The following NRDE2 variants were observed in gnomAD, a reference collection of about 807,000 sequenced individuals.
NRDE2 encodes the protein NRDE-2, necessary for RNA interference, domain containing, also known as nuclear exosome regulator NRDE2.
A neutral mutation model predicts 124.2 loss-of-function variants in NRDE2; 76 were observed. The observed-to-expected ratio is 0.61, with a 90% CI of 0.51 to 0.74. NRDE2 has a LOEUF of 0.74. Among genes scored for constraint, NRDE2 ranks in the 30% least tolerant of loss-of-function variants. NRDE2 has a pLI of 0.00. For synonymous variants in NRDE2, 489 were observed against 528.1 expected, an observed-to-expected ratio of 0.93 and a Z score of 1.01; for missense variants, 1,314 against 1,417.3, an observed-to-expected ratio of 0.93 and a Z score of 1.17.
chr14:90,280,560 T>A (rs948237090), intron 12 of NRDE2: 2 of 152,298 alleles, frequency 1.3e-5, no homozygotes, highest in Middle Eastern at 3.2e-3. Context: ...CCAGCCTCCA[T>A]CAGCGCTGGA....
Position 90,312,435 on chromosome 14 carries a change from C to T in NRDE2, c.516G>A (p.Ala172=). ...GGTAGAGAGACTTGTACTCCCAGTT[C>T]GCAGGATCTGGTTTCTTATCTGTTC... ...TFRTDKKPDP[A]NWEYKSLYRG... Residue 172 remains alanine (A), a synonymous_variant, in exon 4 of 14, where the codon GCG becomes GCA. Coordinates refer to ENST00000354366, the MANE Select transcript of NRDE2 (RefSeq NM_017970.4). 6 of 1,614,062 alleles carry T rather than the reference C, an allele frequency of 3.7e-6. No homozygotes were observed. The highest frequency in any genetic ancestry group is 4.2e-6 in the Non-Finnish European group (5 of 1,179,990).
In NRDE2 at chr14:90,275,173, C is replaced by G. The variant is rs1419937760; in HGVS notation, c.*3163G>C. ...CCACGTCTTGGAAGTCAAAAAGCTT[C>G]CAATCAGAAGGAGACCAAAGAGATG... On this transcript the variant is annotated 3_prime_UTR_variant, in exon 14 of 14. Transcript: ENST00000354366. 2 of 152,226 alleles carry G rather than the reference C, an allele frequency of 1.3e-5. No homozygotes were observed. Among genetic ancestry groups the G allele is most frequent in the East Asian group, 3.9e-4 (2 of 5,170 alleles). 9.4% of individuals were successfully genotyped at this position (152,226 alleles called of 1,614,324 possible). A position where few individuals can be genotyped will look rare whatever the true frequency, so the allele number is the denominator to read the frequency against.
chr14:90,313,325 A>C (rs1595073033), intron 3 of NRDE2, among the ~76,000 whole-genome samples: 1 of 151,862 alleles, frequency 6.6e-6, no homozygotes, highest in East Asian at 1.9e-4. Flanking sequence ...ATGGGGTTTC[A>C]CCATGTTAGC....
In NRDE2 at chr14:90,304,204, G is replaced by C. The variant is rs1884515561; in HGVS notation, c.736C>G (p.Pro246Ala). 1 of 1,614,046 alleles carries C rather than the reference G, an allele frequency of 6.2e-7. No individual in the cohort carries two copies. Among genetic ancestry groups the C allele is most frequent in the East Asian group, 2.2e-5 (1 of 44,886 alleles). Residue 246 changes from proline (P) to alanine (A), a missense_variant, in exon 5 of 14, where the codon CCC (proline) becomes GCC (alanine). Coordinates refer to ENST00000354366, the MANE Select transcript of NRDE2 (RefSeq NM_017970.4). The stretch of plus-strand genomic sequence containing the variant: ...ATAAAGGAGATGGGCTCAGATGAGG[G>C]AGGTTCAGTTTTACTGCTAATGGCA... ...GVAISSKTEP[P>A]SSEPISFIPV...
In NRDE2 at chr14:90,292,653, G is replaced by C. The variant is rs759210583; in HGVS notation, c.1842+44C>G. The C allele has an allele frequency of 5.7e-6, 9 of 1,584,498 alleles. No individual in the cohort carries two copies. The South Asian group carries it at 8.9e-5, about 16-fold the overall frequency. On this transcript the variant is annotated intron_variant, in intron 9 of 13. Coordinates refer to ENST00000354366, the MANE Select transcript of NRDE2 (RefSeq NM_017970.4). ...AGCGCATGGGAATGGAAAGCAGGCA[G>C]GGACCCCCTGGACAGCTTCCTGCCT...
chr14:90,325,879 C>T (rs947291994), intron 1 of NRDE2, among the ~76,000 whole-genome samples: 3 of 152,158 alleles, frequency 2.0e-5, no homozygotes, highest in Non-Finnish European at 4.4e-5. Flanking sequence ...ACCCCTCTCA[C>T]TCATTTTGGT....
chr14:90,297,338 A>C (rs1187817011), intron 8 of NRDE2, among the ~76,000 whole-genome samples: 1 of 152,108 alleles, frequency 6.6e-6, no homozygotes, highest in African/African-American at 2.4e-5. Flanking sequence ...ACATACTGAA[A>C]TGTTTTGATA....
chr14:90,306,091 T>C (rs1884589517), intron 4 of NRDE2, among the ~76,000 whole-genome samples: 1 of 151,898 alleles, frequency 6.6e-6, no homozygotes, highest in African/African-American at 2.4e-5. Flanking sequence ...ATGGTAGATG[T>C]AGGGGGCAGT....
intron 12 of NRDE2, among the ~76,000 whole-genome samples, chr14:90,284,709 T>C (rs1892052353): frequency 6.6e-6 from 1 of 152,092 alleles, no homozygotes; most frequent in Non-Finnish European, 1.5e-5. Context: ...CAATATTCAT[T>C]GAAGACCACT....
intron 4 of NRDE2, among the ~76,000 whole-genome samples, chr14:90,307,369 G>A (rs1884644632): frequency 6.6e-6 from 1 of 152,118 alleles, no homozygotes; most frequent in Admixed American, 6.5e-5. Context: ...ACAGGACCTA[G>A]GCTATAATTT....
At chr14:90,279,325 T>C in intron 12 of NRDE2, 192 bp from the exon 13 acceptor site, 1 of 570,674 alleles carries the variant, frequency 1.8e-6, no homozygotes, top group Non-Finnish European at 3.1e-6. Flanking sequence ...CACTGCTGTG[T>C]TGGGGTTGTT....
intron 2 of NRDE2, among the ~76,000 whole-genome samples, chr14:90,317,290 T>TA (rs1885080088): frequency 6.6e-6 from 1 of 152,156 alleles, no homozygotes. Flanking sequence ...AAAATCATTA[T>TA]AAAAAGGTTT....
intron 7 of NRDE2, among the ~76,000 whole-genome samples, chr14:90,300,076 G>C (rs1302417356): frequency 2.0e-5 from 3 of 152,184 alleles, no homozygotes; most frequent in African/African-American, 7.2e-5. Context: ...CTTTAGAGCA[G>C]TGGTCTTCGA....
intron 1 of NRDE2, among the ~76,000 whole-genome samples, chr14:90,327,370 C>T (rs760760968): frequency 1.3e-5 from 2 of 151,962 alleles, no homozygotes; most frequent in Non-Finnish European, 2.9e-5. Flanking sequence ...ACCAATGTAG[C>T]AAGACTCTAT....
At position 90,301,375 on chromosome 14, in the gene NRDE2, G is replaced by A. The variant is rs1222846147; in HGVS notation, c.1412-3C>T. ...GTGGCACTGCTGAAGAAAGAGTGCT[G>A]CGAACAGGAGGGCAAAGGGGAAGAA... On this transcript the variant is annotated splice_region_variant and splice_polypyrimidine_tract_variant and intron_variant, in intron 6 of 13. Transcript: ENST00000354366. 1.9e-6 allele frequency: 3 copies of A among 1,613,682 alleles called. No homozygotes were observed. Among genetic ancestry groups the A allele is most frequent in the South Asian group, 2.2e-5 (2 of 91,062 alleles).
chr14:90,313,605 G>A (rs191658165), intron 3 of NRDE2, among the ~76,000 whole-genome samples: 128 of 152,260 alleles, frequency 8.4e-4, no homozygotes, highest in African/African-American at 2.7e-3. Context: ...CTCCCGGGGC[G>A]TTAAGTGAGA....
intron 7 of NRDE2, among the ~76,000 whole-genome samples, chr14:90,299,726 GA>G (rs1479374582): frequency 6.6e-6 from 1 of 152,180 alleles, no homozygotes; most frequent in Non-Finnish European, 1.5e-5. Context: ...GTCATCCTCA[GA>G]AAGGGGAACC....
At chr14:90,309,016 G>A (rs897204338) in intron 4 of NRDE2, among the ~76,000 whole-genome samples, 3 of 152,144 alleles carry the variant, frequency 2.0e-5, no homozygotes, top group Non-Finnish European at 1.5e-5. Context: ...GCTGGGATGG[G>A]CGGATCATGA....
In NRDE2 at chr14:90,270,173, A is replaced by C; in HGVS notation, c.*8163T>G. 1 of 1,609,546 alleles carries C rather than the reference A, an allele frequency of 6.2e-7. No homozygotes were observed. The highest frequency in any genetic ancestry group is 8.5e-7 in the Non-Finnish European group (1 of 1,176,526). ...GAGCCTGGGTTTGGATGTTGGTGTG[A>C]CTTCAAATCTCTTTGTACCTGCAGG... is the stretch of plus-strand genomic sequence containing the variant. On this transcript the variant is annotated 3_prime_UTR_variant, in exon 14 of 14. Coordinates refer to ENST00000354366, the MANE Select transcript of NRDE2 (RefSeq NM_017970.4).
Sources: allele counts gnomAD v4.1 joint callset (sites outside exome capture counted in the v4.1 genomes callset), GRCh38; gene constraint gnomAD v4.1.1; transcripts MANE v1.5; gene names NCBI Gene and HGNC (gene_info 2026-07-23, HGNC 2026-07-21).